GALNT14: variants seen among roughly 807,000 people sequenced by gnomAD.
The protein encoded by GALNT14 is UDP-GalNAc:polypeptide N-acetylgalactosaminyltransferase 14.
GALNT14 carries 60 observed loss-of-function variants against 77.5 expected under a neutral mutation model. The observed-to-expected ratio is 0.77, with a 90% CI of 0.63 to 0.96. The LOEUF (loss-of-function observed/expected upper bound fraction) is 0.96, where lower values mean the gene tolerates loss of function less well. Among genes scored for constraint, GALNT14 ranks in the 40% least tolerant of loss-of-function variants. The pLI, the probability that GALNT14 is intolerant of heterozygous loss-of-function variation, is 0.00. For missense variants in GALNT14, 710 were observed against 731.0 expected (o/e 0.97, Z 0.33); for synonymous variants, 280 against 281.7 (o/e 0.99, Z 0.06).
intron 1 of GALNT14, among the ~76,000 whole-genome samples, chr2:31,108,887 G>T (rs1677696768): frequency 6.6e-6 from 1 of 152,178 alleles, no homozygotes; most frequent in African/African-American, 2.4e-5. Context: ...AAAGAGCTTG[G>T]ACTATGGGCA....
chr2:31,012,044 A>C (rs1184605584), intron 1 of GALNT14, among the ~76,000 whole-genome samples: 2 of 151,236 alleles, frequency 1.3e-5, no homozygotes, highest in African/African-American at 4.9e-5. Context: ...GAAATTCTCT[A>C]CTCCTTGGTG....
chr2:31,058,507 G>T (rs2148535360), intron 1 of GALNT14, among the ~76,000 whole-genome samples: 1 of 152,236 alleles, frequency 6.6e-6, no homozygotes, highest in South Asian at 2.1e-4. Flanking sequence ...AGGTCTTTGG[G>T]TGGACTAAGG....
At chr2:30,908,299 T>A (rs1342145841), downstream of GALNT14, among the ~76,000 whole-genome samples, 5 of 152,206 alleles carry the variant, frequency 3.3e-5, no homozygotes, top group Admixed American at 3.3e-4. Context: ...CATGATTGTA[T>A]ATCTAGAAAA....
intron 1 of GALNT14, among the ~76,000 whole-genome samples, chr2:31,025,026 C>T (rs1671953019): frequency 6.6e-6 from 1 of 152,138 alleles, no homozygotes; most frequent in Non-Finnish European, 1.5e-5. Flanking sequence ...GGCCAACTTC[C>T]TACATAGTTA....
chr2:31,041,829 G>A (rs1337884929), intron 1 of GALNT14, among the ~76,000 whole-genome samples: 4 of 152,172 alleles, frequency 2.6e-5, no homozygotes, highest in Non-Finnish European at 5.9e-5. Context: ...TAGAGGCAGA[G>A]GATCTCAGAG....
chr2:31,021,314 A>G (rs1242275800), intron 1 of GALNT14, among the ~76,000 whole-genome samples: 1 of 150,740 alleles, frequency 6.6e-6, no homozygotes, highest in East Asian at 2.0e-4. Context: ...TTTTATTTTT[A>G]TTTTTTTGCG....
At chr2:30,955,578 TG>T (rs1667310014) in intron 6 of GALNT14, 39 bp downstream of exon 6, 7 of 1,602,894 alleles carry the variant, frequency 4.4e-6, no homozygotes, top group Non-Finnish European at 6.0e-6. Flanking sequence ...TGGAGAAAGC[TG>T]GGGCACGAGG....
intron 13 of GALNT14, among the ~76,000 whole-genome samples, chr2:30,923,309 C>T (rs1388823070): frequency 6.6e-6 from 1 of 152,056 alleles, no homozygotes; most frequent in Admixed American, 6.5e-5. Context: ...GGTGATCCAC[C>T]CACCTTGACC....
At chr2:31,045,394 C>CT (rs1673377418) in intron 1 of GALNT14, among the ~76,000 whole-genome samples, 1 of 152,280 alleles carries the variant, frequency 6.6e-6, no homozygotes, top group Admixed American at 6.5e-5. Flanking sequence ...TTTTCAACTT[C>CT]TTTTTTTGGA....
intron 1 of GALNT14, among the ~76,000 whole-genome samples, chr2:31,047,631 G>A (rs1053784200): frequency 6.6e-6 from 1 of 152,208 alleles, no homozygotes; most frequent in Non-Finnish European, 1.5e-5. Flanking sequence ...TAGTGACCTT[G>A]AGGGGTTCCT....
chr2:31,121,081 A>G (rs1270561320), intron 1 of GALNT14, among the ~76,000 whole-genome samples: 3 of 152,172 alleles, frequency 2.0e-5, no homozygotes, highest in African/African-American at 7.2e-5. Flanking sequence ...ATCAGCAGGG[A>G]TGTCTTCACA....
chr2:30,964,028 T>G lies in GALNT14; in HGVS notation c.398+2176A>C, dbSNP rs559508103. On this transcript the variant is annotated intron_variant, in intron 3 of 14. Transcript: ENST00000349752. ...AAAAATGCAGCAAGTACTGGAGTAG[T>G]GATATGTAGAGAAGGGCCCAGAGGA... Among the ~76,000 whole-genome samples, 4 of 152,174 alleles carry G rather than the reference T, an allele frequency of 2.6e-5. No homozygotes were observed. In the South Asian group the frequency reaches 6.2e-4, roughly 24 times the overall value.
chr2:31,057,115 C>T (rs1458809534), intron 1 of GALNT14, among the ~76,000 whole-genome samples: 1 of 151,700 alleles, frequency 6.6e-6, no homozygotes, highest in Non-Finnish European at 1.5e-5. Context: ...ACAATAGACA[C>T]TGGGGACTAC....
intron 9 of GALNT14, among the ~76,000 whole-genome samples, chr2:30,936,078 C>G (rs986345070): frequency 6.6e-6 from 1 of 152,168 alleles, no homozygotes; most frequent in Non-Finnish European, 1.5e-5. Flanking sequence ...TCCAGGCATG[C>G]AGATGTGTAA....
In GALNT14 at chr2:31,044,537, CAG is replaced by C. The variant is rs536889337; in HGVS notation, c.130-51532_130-51531del. ...CTTGTACTTCAATACTCCCTATTAA[CAG>C]AGCACAAACTACAAAAGATTCTTCT... On this transcript the variant is annotated intron_variant, in intron 1 of 14. Coordinates refer to ENST00000349752, the MANE Select transcript of GALNT14 (RefSeq NM_024572.4). Among the ~76,000 whole-genome samples the C allele has an allele frequency of 4.6e-3, 703 of 152,306 alleles. 2 individuals carry two copies. The highest frequency in any genetic ancestry group is 7.7e-3 in the Non-Finnish European group (527 of 68,038).
intron 1 of GALNT14, among the ~76,000 whole-genome samples, chr2:31,130,789 C>CGT: frequency 8.4e-6 from 1 of 119,090 alleles, no homozygotes; most frequent in South Asian, 2.7e-4. Flanking sequence ...TGTGTGCGCG[C>CGT]GCACCTGTGT....
the GALNT14 span, among the ~76,000 whole-genome samples, chr2:30,888,688 G>C: frequency 0.29 from 44,035 of 151,848 alleles, 6,799 homozygotes; most frequent in East Asian, 0.49. Flanking sequence ...GAATAAGCCT[G>C]TTCCTACCAA....
chr2:30,977,092 C>CTTTTTTTTTTTTTT lies in GALNT14; in HGVS notation c.300-10804_300-10791dup, dbSNP rs11314175. 9.6e-4 allele frequency among the ~76,000 whole-genome samples: 130 copies of CTTTTTTTTTTTTTT among 135,078 alleles called. 9 individuals carry two copies. Among genetic ancestry groups the CTTTTTTTTTTTTTT allele is most frequent in the African/African-American group, 3.5e-3 (113 of 32,584 alleles). The allele number at this position is 135,078 out of a possible 152,430, so 88.6% of individuals were successfully genotyped here. ...CTTTATTCCATATTGGCTTTTCTGT[C>CTTTTTTTTTTTTTT]TTTTTTTTTTTTTTTGAGACAGGGT... On this transcript the variant is annotated intron_variant, in intron 2 of 14. Coordinates refer to ENST00000349752, the MANE Select transcript of GALNT14 (RefSeq NM_024572.4).
At chr2:30,918,720 G>A (rs1357828967) in intron 13 of GALNT14, among the ~76,000 whole-genome samples, 17 of 132,452 alleles carry the variant, frequency 1.3e-4, no homozygotes, top group South Asian at 2.4e-4. Context: ...GGGTGGCATC[G>A]GGCAGGGAGG....
Sources: gnomAD v4.1 joint callset for allele counts (sites outside exome capture counted in the v4.1 genomes callset) on GRCh38, gnomAD v4.1.1 for gene constraint, MANE v1.5 for transcripts, NCBI Gene and HGNC (gene_info 2026-07-23, HGNC 2026-07-21) for gene names.